Variants in GTF2A1 observed in about 807,000 individuals in gnomAD.
GTF2A1 encodes the protein transcription initiation factor IIA subunit 1.
Under a neutral mutation model 54.1 loss-of-function variants are expected in GTF2A1, and 12 were observed. The ratio of observed to expected loss-of-function variants is 0.22; its 90% CI spans 0.14 to 0.36. The LOEUF (loss-of-function observed/expected upper bound fraction) is 0.36. Ranked by LOEUF, GTF2A1 falls within the 10% of genes least tolerant of loss-of-function variation. The pLI, the probability that GTF2A1 is intolerant of heterozygous loss-of-function variation, is 1.00. For synonymous variants in GTF2A1, 145 were observed against 152.0 expected (o/e 0.95, Z 0.34); for missense variants, 335 against 442.2 (o/e 0.76, Z 2.17).
intron 7 of GTF2A1, among the ~76,000 whole-genome samples, chr14:81,188,485 C>T (rs939228360): frequency 1.3e-5 from 2 of 152,156 alleles, no homozygotes; most frequent in African/African-American, 4.8e-5. Context: ...AAAACTGTTG[C>T]AAGCGGCTGG....
intron 2 of GTF2A1, among the ~76,000 whole-genome samples, 158 bp downstream of exon 2, chr14:81,216,255 G>C (rs985648522): frequency 6.6e-6 from 1 of 152,122 alleles, no homozygotes; most frequent in African/African-American, 2.4e-5. Context: ...GCTTGCCTAA[G>C]GTCAGAGGAA....
At chr14:81,193,386 C>T (rs1352163741) in intron 6 of GTF2A1, among the ~76,000 whole-genome samples, 1 of 151,994 alleles carries the variant, frequency 6.6e-6, no homozygotes, top group Non-Finnish European at 1.5e-5. Context: ...AGGCTGGTCT[C>T]GAACTCACGA....
rs780051729 is a variant in GTF2A1, at chr14:81,196,254, G to A, written c.479-13C>T. ...TGAAGAAGCTGGCCTAAAGCAAAAA[G>A]CATGCATTCCGAGTTATCATTTTAG... is the stretch of plus-strand genomic sequence containing the variant. On this transcript the variant is annotated splice_polypyrimidine_tract_variant and intron_variant, in intron 5 of 8. Coordinates refer to ENST00000553612, the MANE Select transcript of GTF2A1 (RefSeq NM_015859.4). 3 of 1,613,774 alleles carry A rather than the reference G, an allele frequency of 1.9e-6. No homozygotes were observed. In the South Asian group the frequency reaches 3.3e-5, roughly 18 times the overall value.
intron 2 of GTF2A1, among the ~76,000 whole-genome samples, chr14:81,210,556 TG>T (rs1349685913): frequency 1.3e-5 from 2 of 152,132 alleles, no homozygotes; most frequent in African/African-American, 4.8e-5. Flanking sequence ...CATACGTTTT[TG>T]TTTTTGTTTT....
rs1339720334 is a variant in GTF2A1, at chr14:81,178,267, T to C, written c.*1956A>G. The stretch of plus-strand genomic sequence containing the variant: ...AATTTTTATAGGTAGTTCAGGTCAC[T>C]GACTTCCTTACTGAGTAAATACAAA... On this transcript the variant is annotated 3_prime_UTR_variant, in exon 9 of 9. Transcript: ENST00000553612. 6.6e-6 allele frequency: 1 copy of C among 152,126 alleles called. No individual in the cohort carries two copies. The highest frequency in any genetic ancestry group is 2.4e-5 in the African/African-American group (1 of 41,448). 9.4% of individuals were successfully genotyped at this position (152,126 alleles called of 1,614,324 possible).
chr14:81,204,815 G>GA (rs763264092), intron 2 of GTF2A1, among the ~76,000 whole-genome samples: 16 of 152,230 alleles, frequency 1.1e-4, no homozygotes, highest in African/African-American at 3.9e-4. Context: ...TGGACAAAAA[G>GA]AAAGAAAAGA....
At chr14:81,185,190 T>C (rs1007732769) in intron 8 of GTF2A1, among the ~76,000 whole-genome samples, 9 of 152,144 alleles carry the variant, frequency 5.9e-5, no homozygotes, top group Non-Finnish European at 1.2e-4. Flanking sequence ...TGAGGCTAAA[T>C]AGAAAACAGA....
At chr14:81,180,804 A>G (rs1290470212) in intron 8 of GTF2A1, among the ~76,000 whole-genome samples, 2 of 152,230 alleles carry the variant, frequency 1.3e-5, no homozygotes, top group Non-Finnish European at 2.9e-5. Flanking sequence ...GTTTGCATAT[A>G]TATTTTCAAG....
chr14:81,204,150 G>A (rs942688964), intron 2 of GTF2A1, 46 bp from the exon 3 acceptor site: 3 of 1,209,626 alleles, frequency 2.5e-6, no homozygotes, highest in Non-Finnish European at 3.7e-6. Context: ...AATAACTCTG[G>A]ACAGATGAAT....
chr14:81,213,106 T>TA (rs1425294725), intron 2 of GTF2A1, among the ~76,000 whole-genome samples: 1 of 152,242 alleles, frequency 6.6e-6, no homozygotes, highest in Non-Finnish European at 1.5e-5. Flanking sequence ...TTTGTTCAGT[T>TA]AGATTCAGGT....
chr14:81,192,205 T>C (rs894239854), intron 7 of GTF2A1, among the ~76,000 whole-genome samples: 1 of 152,166 alleles, frequency 6.6e-6, no homozygotes, highest in Non-Finnish European at 1.5e-5. Context: ...CAATGTCTTA[T>C]GTTTAAGCCA....
At position 81,197,135 on chromosome 14, in the gene GTF2A1, CTAAG is replaced by C. The variant is rs1214151704; in HGVS notation, c.478+270_478+273del. 6.0e-5 allele frequency: 15 copies of C among 248,462 alleles called. No homozygotes were observed. In the East Asian group the frequency reaches 7.0e-4, roughly 12 times the overall value. The allele number at this position is 248,462 out of a possible 1,614,324, so 15.4% of individuals were successfully genotyped here. On this transcript the variant is annotated intron_variant, in intron 5 of 8. Coordinates refer to ENST00000553612, the MANE Select transcript of GTF2A1 (RefSeq NM_015859.4). Reference sequence around the variant, plus strand: ...CATGTTAAATGTGTTCAGTAAAAAACTAAGTAAGCATTTTTATATAATCATACTT... The same window carrying C: ...CATGTTAAATGTGTTCAGTAAAAAACTAAGCATTTTTATATAATCATACTT...
intron 8 of GTF2A1, among the ~76,000 whole-genome samples, chr14:81,184,072 A>G (rs1020489806): frequency 6.6e-6 from 1 of 152,220 alleles, no homozygotes; most frequent in African/African-American, 2.4e-5. Flanking sequence ...GCTATCTCCC[A>G]CTTACTAATT....
intron 2 of GTF2A1, among the ~76,000 whole-genome samples, chr14:81,206,988 C>A (rs957698625): frequency 1.3e-5 from 2 of 152,148 alleles, no homozygotes; most frequent in African/African-American, 4.8e-5. Context: ...ACTATTAATT[C>A]TTAAGGAGGG....
Position 81,175,811 on chromosome 14 carries a change from T to C in GTF2A1, c.*4412A>G, listed in dbSNP as rs1892514584. 3.3e-5 allele frequency: 5 copies of C among 152,180 alleles called. No homozygotes were observed. The South Asian group carries it at 8.3e-4, about 25-fold the overall frequency. 9.4% of individuals were successfully genotyped at this position (152,180 alleles called of 1,614,324 possible). On this transcript the variant is annotated 3_prime_UTR_variant, in exon 9 of 9. Coordinates refer to ENST00000553612, the MANE Select transcript of GTF2A1 (RefSeq NM_015859.4). ...TTTAATACAATATGTTAATTATTAATATTTCACAAGGAGTAATCTTTATTT... is the reference window on the plus strand; with the variant it reads ...TTTAATACAATATGTTAATTATTAACATTTCACAAGGAGTAATCTTTATTT...
intron 8 of GTF2A1, 121 bp from the exon 9 acceptor site, chr14:81,180,451 A>G: frequency 1.8e-6 from 1 of 560,182 alleles, no homozygotes; most frequent in Non-Finnish European, 3.3e-6. Flanking sequence ...CAGTATTTAC[A>G]GTATTGTATT....
At chr14:81,190,689 T>C (rs1278008137) in intron 7 of GTF2A1, among the ~76,000 whole-genome samples, 2 of 152,000 alleles carry the variant, frequency 1.3e-5, no homozygotes, top group Non-Finnish European at 2.9e-5. Flanking sequence ...ACAACAAACA[T>C]TAAACTTAAC....
At chr14:81,198,652 T>C (rs1298980418) in intron 4 of GTF2A1, among the ~76,000 whole-genome samples, 2 of 152,218 alleles carry the variant, frequency 1.3e-5, no homozygotes, top group Non-Finnish European at 2.9e-5. Flanking sequence ...CCGCTATAGC[T>C]ACACATTTTG....
chr14:81,190,598 T>C (rs1460845140), intron 7 of GTF2A1, among the ~76,000 whole-genome samples: 1 of 152,052 alleles, frequency 6.6e-6, no homozygotes, highest in East Asian at 1.9e-4. Flanking sequence ...AACATTCACT[T>C]ACAGTTTAAA....
Sources: allele counts gnomAD v4.1 joint callset (sites outside exome capture counted in the v4.1 genomes callset), GRCh38; gene constraint gnomAD v4.1.1; transcripts MANE v1.5; gene names NCBI Gene and HGNC (gene_info 2026-07-23, HGNC 2026-07-21).